RRBP1: variants seen among roughly 807,000 people sequenced by gnomAD.
RRBP1 encodes ribosome binding protein 1, also known as ribosome-binding protein 1.
A neutral mutation model predicts 165.2 loss-of-function variants in RRBP1; 94 were observed. That is an observed-to-expected ratio of 0.57 (90% CI 0.48 to 0.68). The LOEUF (loss-of-function observed/expected upper bound fraction) is 0.68. Among genes scored for constraint, RRBP1 ranks in the 30% least tolerant of loss-of-function variants. RRBP1 has a pLI of 0.00. For synonymous variants in RRBP1, 680 were observed against 714.5 expected, an observed-to-expected ratio of 0.95 and a Z score of 0.77; for missense variants, 1,676 against 1,763.0, an observed-to-expected ratio of 0.95 and a Z score of 0.88.
chr20:17,668,296 A>C (rs1194526407), intron 2 of RRBP1, among the ~76,000 whole-genome samples: 1 of 152,190 alleles, frequency 6.6e-6, no homozygotes, highest in Non-Finnish European at 1.5e-5. Flanking sequence ...CTTCAGCTGA[A>C]TCTCACCAGC....
intron 2 of RRBP1, among the ~76,000 whole-genome samples, chr20:17,661,562 C>T (rs561745286): frequency 2.6e-5 from 4 of 152,306 alleles, no homozygotes; most frequent in Non-Finnish European, 4.4e-5. Flanking sequence ...GGGCTAAGTT[C>T]GACTTCACTG....
At chr20:17,630,541 A>G (rs1174257006) in intron 8 of RRBP1, among the ~76,000 whole-genome samples, 1 of 152,220 alleles carries the variant, frequency 6.6e-6, no homozygotes, top group Admixed American at 6.5e-5. Flanking sequence ...CTCAGGACAG[A>G]CAGGCCCACC....
chr20:17,628,021 A>G (rs1186345614), intron 9 of RRBP1, among the ~76,000 whole-genome samples: 3 of 152,132 alleles, frequency 2.0e-5, no homozygotes, highest in African/African-American at 4.8e-5. Context: ...TGAGACCAGA[A>G]GTTCCTTAGA....
chr20:17,619,457 C>T (rs2122249171), intron 19 of RRBP1, 176 bp downstream of exon 19: 1 of 487,636 alleles, frequency 2.1e-6, no homozygotes, highest in Non-Finnish European at 3.6e-6. Flanking sequence ...CCCTGAGAGA[C>T]ACCTCAGGCC....
intron 5 of RRBP1, among the ~76,000 whole-genome samples, chr20:17,637,201 T>TG (rs2036264207): frequency 6.6e-6 from 1 of 151,736 alleles, no homozygotes; most frequent in Non-Finnish European, 1.5e-5. Context: ...CCGCCGTGGC[T>TG]GGGGGTAGGG....
At chr20:17,656,023 G>T (rs1271986141) in intron 3 of RRBP1, among the ~76,000 whole-genome samples, 1 of 152,270 alleles carries the variant, frequency 6.6e-6, no homozygotes, top group Admixed American at 6.5e-5. Flanking sequence ...CAAAGTTTAA[G>T]AAGCACTTCA....
intron 3 of RRBP1, among the ~76,000 whole-genome samples, chr20:17,648,366 C>T (rs2036501519): frequency 6.6e-6 from 1 of 152,242 alleles, no homozygotes. Flanking sequence ...TGCTCATCTG[C>T]CCACAGCTGA....
chr20:17,646,544 C>A (rs1024085874), intron 3 of RRBP1, among the ~76,000 whole-genome samples: 9 of 152,186 alleles, frequency 5.9e-5, no homozygotes, highest in Admixed American at 5.9e-4. Flanking sequence ...GATCATTGTT[C>A]CCCTCACAGC....
chr20:17,652,132 G>C (rs938589139), intron 3 of RRBP1, among the ~76,000 whole-genome samples: 2 of 152,224 alleles, frequency 1.3e-5, no homozygotes, highest in Non-Finnish European at 2.9e-5. Context: ...ACCAACACAG[G>C]TCTGCACAGA....
chr20:17,624,532 G>T (rs1280024136), intron 13 of RRBP1, 44 bp downstream of exon 13: 1 of 1,319,360 alleles, frequency 7.6e-7, no homozygotes, highest in Non-Finnish European at 1.1e-6. Context: ...GTGCATCCTA[G>T]TGCACTTTCC....
At chr20:17,655,156 C>A (rs115376089) in intron 3 of RRBP1, among the ~76,000 whole-genome samples, 1 of 152,162 alleles carries the variant, frequency 6.6e-6, no homozygotes, top group African/African-American at 2.4e-5. Context: ...AACACAAGAT[C>A]TAGGGTCTTC....
intron 2 of RRBP1, among the ~76,000 whole-genome samples, chr20:17,665,929 G>T (rs930497279): frequency 9.9e-5 from 15 of 152,160 alleles, no homozygotes; most frequent in Non-Finnish European, 1.9e-4. Context: ...TAATTACCCA[G>T]CACCATTTCC....
intron 1 of RRBP1, among the ~76,000 whole-genome samples, 163 bp downstream of exon 1, chr20:17,681,865 G>C (rs970954257): frequency 6.8e-6 from 1 of 148,072 alleles, no homozygotes; most frequent in African/African-American, 2.4e-5. Flanking sequence ...GTCCGACCCC[G>C]ACCCCGATGG....
Position 17,625,576 on chromosome 20 carries a change from G to A in RRBP1, c.2990C>T (p.Ser997Leu), listed in dbSNP as rs370319082. 18 of 1,613,704 alleles carry A rather than the reference G, an allele frequency of 1.1e-5. No individual in the cohort carries two copies. Among genetic ancestry groups the A allele is most frequent in the South Asian group, 2.2e-5 (2 of 91,084 alleles). Residue 997 changes from serine (S) to leucine (L), a missense_variant, in exon 12 of 25, where the codon TCG becomes TTG. Physicochemically the swap from Ser to Leu is moderately radical, Grantham distance 145. Transcript: ENST00000377813. ...TRLKELESQV[S>L]GLEKEAIELR... ...CTCGATGGCCTCCTTCTCCAGACCC[G>A]ACACCTGGGACTCCAGCTCCTTGAG...
At chr20:17,673,878 G>C (rs7273542) in intron 2 of RRBP1, among the ~76,000 whole-genome samples, 2 of 152,122 alleles carry the variant, frequency 1.3e-5, no homozygotes, top group South Asian at 4.1e-4. Context: ...TTCATTAAGA[G>C]TCTCAATAAT....
intron 3 of RRBP1, among the ~76,000 whole-genome samples, chr20:17,644,642 A>T (rs2036430231): frequency 6.6e-6 from 1 of 152,100 alleles, no homozygotes; most frequent in African/African-American, 2.4e-5. Flanking sequence ...CTGCAAGGAC[A>T]TTTCCCCCTC....
intron 3 of RRBP1, among the ~76,000 whole-genome samples, chr20:17,648,644 T>C (rs566120509): frequency 3.0e-4 from 46 of 152,360 alleles, no homozygotes; most frequent in African/African-American, 1.1e-3. Flanking sequence ...GGCTACAAAC[T>C]TGGGGACTGG....
Position 17,620,674 on chromosome 20 carries a change from T to C in RRBP1, c.3507+41A>G, listed in dbSNP as rs370889070. On this transcript the variant is annotated intron_variant, in intron 17 of 24. Coordinates refer to ENST00000377813, the MANE Select transcript of RRBP1 (RefSeq NM_001365613.2). ...CCTGTCAACTCTCCCCTGGGCTTCA[T>C]GTGCTCCACGGCGCCGGGAGGCAGG... 4.3e-5 allele frequency: 63 copies of C among 1,480,760 alleles called. No homozygotes were observed. The African/African-American group carries it at 6.3e-4, about 15-fold the overall frequency. The allele number at this position is 1,480,760 out of a possible 1,614,324, so 91.7% of individuals were successfully genotyped here.
intron 2 of RRBP1, among the ~76,000 whole-genome samples, chr20:17,662,404 C>T (rs1031260231): frequency 6.6e-5 from 10 of 152,164 alleles, no homozygotes; most frequent in African/African-American, 2.4e-4. Context: ...TCCCTGGGGA[C>T]AACTCTATCA....
Sources: allele counts gnomAD v4.1 joint callset (sites outside exome capture counted in the v4.1 genomes callset), GRCh38; gene constraint gnomAD v4.1.1; transcripts MANE v1.5; gene names NCBI Gene and HGNC (gene_info 2026-07-23, HGNC 2026-07-21).